Variants in LINGO2 observed in about 807,000 individuals in gnomAD.
The protein encoded by LINGO2 is leucine rich repeat and Ig domain containing 2, also known as leucine-rich repeat and immunoglobulin-like domain-containing nogo receptor-interacting protein 2.
LINGO2 carries 14 observed loss-of-function variants against 30.6 expected under a neutral mutation model. That is an observed-to-expected ratio of 0.46 (90% CI 0.30 to 0.72). The LOEUF is 0.72. Among genes scored for constraint, LINGO2 ranks in the 30% least tolerant of loss-of-function variants. The probability of loss-of-function intolerance (pLI) is 0.07; values close to 1 mark genes in which losing one functional copy is unlikely to be tolerated. For synonymous variants in LINGO2, 317 were observed against 288.5 expected, an observed-to-expected ratio of 1.10 and a Z score of -1.00; for missense variants, 729 against 751.7, an observed-to-expected ratio of 0.97 and a Z score of 0.35.
the LINGO2 span, among the ~76,000 whole-genome samples, chr9:29,179,729 T>G: frequency 3.9e-5 from 6 of 152,182 alleles, no homozygotes; most frequent in Non-Finnish European, 8.8e-5. Flanking sequence ...TCTGAGTGCT[T>G]GTATGTGCTA....
intron 4 of LINGO2, among the ~76,000 whole-genome samples, chr9:28,108,068 G>T (rs1446727111): frequency 2.0e-5 from 3 of 152,132 alleles, no homozygotes; most frequent in African/African-American, 7.2e-5. Context: ...CAAAAAGCTA[G>T]CAGCACTGCC....
At chr9:28,402,121 C>G (rs2134750270) in intron 2 of LINGO2, among the ~76,000 whole-genome samples, 1 of 152,300 alleles carries the variant, frequency 6.6e-6, no homozygotes, top group African/African-American at 2.4e-5. Context: ...AAACCCCACC[C>G]AGGTGGATAC....
chr9:28,786,723 A>G, the LINGO2 span, among the ~76,000 whole-genome samples: 3 of 152,138 alleles, frequency 2.0e-5, no homozygotes, highest in Non-Finnish European at 2.9e-5. Flanking sequence ...GAGTCAAATC[A>G]TGAAGTTTGA....
At chr9:28,200,694 T>G (rs1010368460) in intron 4 of LINGO2, among the ~76,000 whole-genome samples, 1 of 152,196 alleles carries the variant, frequency 6.6e-6, no homozygotes, top group Non-Finnish European at 1.5e-5. Flanking sequence ...TAGGGCTGTT[T>G]AATAAATAAA....
At chr9:28,226,685 AAGAAAGAAAGAAAG>A (rs1821176838) in intron 4 of LINGO2, among the ~76,000 whole-genome samples, 1 of 85,324 alleles carries the variant, frequency 1.2e-5, no homozygotes, top group African/African-American at 6.3e-5. Context: ...GAAAGAAAGA[AAGAAAGAAAGAAAG>A]AAAGAGAAAG....
the LINGO2 span, among the ~76,000 whole-genome samples, chr9:29,071,323 C>G: frequency 6.6e-6 from 1 of 150,580 alleles, no homozygotes. Flanking sequence ...TCCCAAGTAC[C>G]TAGAATTATA....
chr9:29,206,999 G>A, the LINGO2 span, among the ~76,000 whole-genome samples: 1 of 151,850 alleles, frequency 6.6e-6, no homozygotes, highest in Non-Finnish European at 1.5e-5. Flanking sequence ...CACGAGGACT[G>A]CTTTCATCAG....
chr9:28,869,637 G>A, the LINGO2 span, among the ~76,000 whole-genome samples: 1 of 151,998 alleles, frequency 6.6e-6, no homozygotes, highest in Non-Finnish European at 1.5e-5. Context: ...GCCTGAGGAA[G>A]AAGACACAAG....
intron 3 of LINGO2, among the ~76,000 whole-genome samples, chr9:28,367,514 G>A (rs561028690): frequency 3.3e-5 from 5 of 151,686 alleles, no homozygotes; most frequent in Non-Finnish European, 5.9e-5. Flanking sequence ...ATTTCCTGGG[G>A]GCCATTTTCT....
the LINGO2 span, among the ~76,000 whole-genome samples, chr9:28,785,496 AAATT>A: frequency 6.6e-6 from 1 of 152,154 alleles, no homozygotes; most frequent in African/African-American, 2.4e-5. Flanking sequence ...GATTTATTTG[AAATT>A]ATTTTCTCCT....
the LINGO2 span, among the ~76,000 whole-genome samples, chr9:28,997,488 A>G: frequency 6.6e-6 from 1 of 152,312 alleles, no homozygotes; most frequent in Admixed American, 6.5e-5. Flanking sequence ...GATGTGATAT[A>G]TTCTGGGTGC....
intron 1 of LINGO2, among the ~76,000 whole-genome samples, chr9:28,503,167 G>C (rs1431761324): frequency 6.6e-6 from 1 of 151,778 alleles, no homozygotes; most frequent in African/African-American, 2.4e-5. Context: ...TATTACTTTG[G>C]GTTCATTACA....
At chr9:29,086,381 G>GGT in the LINGO2 span, among the ~76,000 whole-genome samples, 3 of 151,048 alleles carry the variant, frequency 2.0e-5, no homozygotes, top group African/African-American at 7.3e-5. Context: ...CTTTATCAAG[G>GGT]TTTTTTTTGG....
chr9:29,005,875 GTTATTATTGTTGTATTT>G, the LINGO2 span, among the ~76,000 whole-genome samples: 1 of 151,804 alleles, frequency 6.6e-6, no homozygotes, highest in East Asian at 1.9e-4. Flanking sequence ...TTGTATTATT[GTTATTATTGTTGTATTT>G]TTATTTTTTC....
At chr9:29,027,496 C>A in the LINGO2 span, among the ~76,000 whole-genome samples, 1 of 152,086 alleles carries the variant, frequency 6.6e-6, no homozygotes, top group East Asian at 1.9e-4. Flanking sequence ...CGCCACCACA[C>A]TCAGCAAATT....
chr9:28,193,326 A>G (rs980577241), intron 4 of LINGO2, among the ~76,000 whole-genome samples: 1 of 152,156 alleles, frequency 6.6e-6, no homozygotes, highest in East Asian at 1.9e-4. Context: ...TTTGCATAAA[A>G]TTCACATATA....
intron 4 of LINGO2, among the ~76,000 whole-genome samples, chr9:28,225,020 G>T (rs974990142): frequency 2.6e-5 from 4 of 151,994 alleles, no homozygotes; most frequent in Admixed American, 2.6e-4. Flanking sequence ...CTTGAAGAAA[G>T]GACAGTCTTC....
the LINGO2 span, among the ~76,000 whole-genome samples, chr9:28,903,768 C>G: frequency 2.0e-5 from 3 of 152,068 alleles, no homozygotes; most frequent in African/African-American, 7.2e-5. Flanking sequence ...TATGAGCCAC[C>G]ATGCTTGGCC....
the LINGO2 span, among the ~76,000 whole-genome samples, chr9:28,926,085 T>G: frequency 6.6e-6 from 1 of 152,164 alleles, no homozygotes; most frequent in East Asian, 1.9e-4. Flanking sequence ...GAGGTCGAGG[T>G]TGGCGGATCA....
Sources: allele counts gnomAD v4.1 joint callset (sites outside exome capture counted in the v4.1 genomes callset), GRCh38; gene constraint gnomAD v4.1.1; transcripts MANE v1.5; gene names NCBI Gene and HGNC (gene_info 2026-07-23, HGNC 2026-07-21).